Variants in IL2RA observed in about 807,000 individuals in gnomAD.
IL2RA encodes interleukin-2 receptor subunit alpha.
In IL2RA, 24 loss-of-function variants were observed where a neutral mutation model predicts 37.8. That is an observed-to-expected ratio of 0.63 (90% CI 0.46 to 0.89). The LOEUF (loss-of-function observed/expected upper bound fraction) is 0.89. Ranked by LOEUF, IL2RA falls within the 40% of genes least tolerant of loss-of-function variation. The pLI is 0.00. For missense variants in IL2RA, 319 were observed against 348.6 expected (o/e 0.92, Z 0.68); for synonymous variants, 125 against 114.6 (o/e 1.09, Z -0.58).
rs1365312920 is a variant in IL2RA, at chr10:6,035,493, T to G, written c.65-9468A>C. Among the ~76,000 whole-genome samples the G allele has an allele frequency of 6.6e-6, 1 of 152,146 alleles. No individual in the cohort carries two copies. Among genetic ancestry groups the G allele is most frequent in the Non-Finnish European group, 1.5e-5 (1 of 68,018 alleles). ...ATCTGTCTCTCCCTTTGTTCCTGAG[T>G]GGTGGGCCGCACATGAGGCTCTGAG... On this transcript the variant is annotated intron_variant, in intron 1 of 7. Coordinates refer to ENST00000379959, the MANE Select transcript of IL2RA (RefSeq NM_000417.3). This position sits in a 1 kb window ranked among gnomAD's most constrained non-coding sequence, Gnocchi z 5.4.
intron 1 of IL2RA, among the ~76,000 whole-genome samples, chr10:6,050,204 C>T (rs1269998609): frequency 6.6e-6 from 1 of 152,168 alleles, no homozygotes; most frequent in East Asian, 1.9e-4. Flanking sequence ...GCCTAGGCAG[C>T]CCAGGAGATG....
rs1839549174 is a variant in IL2RA at position 6,029,868 on chromosome 10, C to T, written c.65-3843G>A. Reference sequence around the variant, plus strand: ...TACGGGCACATGCCATCATACATGGCTAATTTTTGTATTTTTAGTAGAGAT... The same window carrying T: ...TACGGGCACATGCCATCATACATGGTTAATTTTTGTATTTTTAGTAGAGAT... On this transcript the variant is annotated intron_variant, in intron 1 of 7. Transcript: ENST00000379959. The surrounding 1 kb of genome is among the most constrained non-coding windows in gnomAD (Gnocchi z 4.6). 6.6e-6 allele frequency among the ~76,000 whole-genome samples: 1 copy of T among 152,084 alleles called. No individual in the cohort carries two copies. Among genetic ancestry groups the T allele is most frequent in the Non-Finnish European group, 1.5e-5 (1 of 68,014 alleles).
chr10:6,023,336 G>C lies in IL2RA; in HGVS notation c.367+908C>G, dbSNP rs144653230. On this transcript the variant is annotated intron_variant, in intron 3 of 7. Transcript: ENST00000379959. Reference sequence around the variant, plus strand: ...GTTCTGTGGGTTTTTTTTCTTTTTTGTTTTGTTTTTTTGAGGGGGGACAGA... The same window carrying C: ...GTTCTGTGGGTTTTTTTTCTTTTTTCTTTTGTTTTTTTGAGGGGGGACAGA... 7.2e-4 allele frequency among the ~76,000 whole-genome samples: 109 copies of C among 151,892 alleles called. 1 individual carries two copies. In the East Asian group the frequency reaches 0.021, roughly 29 times the overall value.
rs762059830 is a variant in IL2RA at position 6,012,887 on chromosome 10, A to G, written c.804T>C (p.Ser268=). 2 of 1,613,802 alleles carry G rather than the reference A, an allele frequency of 1.2e-6. No homozygotes were observed. Among genetic ancestry groups the G allele is most frequent in the South Asian group, 2.2e-5 (2 of 91,062 alleles). The stretch of plus-strand genomic sequence containing the variant: ...TTTTGGTTTTCTAGATTGTTCTTCT[A>G]CTCTTCCTCCTGTAGTGGTGTAACA... ...GLTWQRRQRK[S]RRTI Residue 268 remains serine, a synonymous_variant, in exon 8 of 8, where the codon AGT becomes AGC. Coordinates refer to ENST00000379959, the MANE Select transcript of IL2RA (RefSeq NM_000417.3). This position sits in a 1 kb window ranked among gnomAD's most constrained non-coding sequence, Gnocchi z 4.8.
intron 1 of IL2RA, among the ~76,000 whole-genome samples, chr10:6,050,799 G>C (rs1315600014): frequency 6.6e-6 from 1 of 152,238 alleles, no homozygotes; most frequent in Non-Finnish European, 1.5e-5. Context: ...GGACGAGGAG[G>C]AGGAGGATGG....
At position 6,049,619 on chromosome 10, in the gene IL2RA, C is replaced by T. The variant is rs190286590; in HGVS notation, c.64+12469G>A. Among the ~76,000 whole-genome samples, 365 of 152,348 alleles carry T rather than the reference C, an allele frequency of 2.4e-3. 2 individuals are homozygous for T. The highest frequency in any genetic ancestry group is 7.9e-3 in the South Asian group (38 of 4,828). ...CTTTCTCTGGGAAGCCTCCGGGACTCTTCTGTCTGTGCTTTGTGGCATTTC... is the reference window on the plus strand; with the variant it reads ...CTTTCTCTGGGAAGCCTCCGGGACTTTTCTGTCTGTGCTTTGTGGCATTTC... On this transcript the variant is annotated intron_variant, in intron 1 of 7. Coordinates refer to ENST00000379959, the MANE Select transcript of IL2RA (RefSeq NM_000417.3).
intron 1 of IL2RA, among the ~76,000 whole-genome samples, chr10:6,038,244 T>C (rs1262350397): frequency 6.6e-6 from 1 of 152,224 alleles, no homozygotes; most frequent in Non-Finnish European, 1.5e-5. Flanking sequence ...TTTTCACCTA[T>C]CTGTTGAAGG....
chr10:6,049,975 CAGG>C (rs1229914495), intron 1 of IL2RA, among the ~76,000 whole-genome samples: 1 of 152,074 alleles, frequency 6.6e-6, no homozygotes, highest in African/African-American at 2.4e-5. Context: ...CTTTGAAGGA[CAGG>C]AGGAGACCTG....
chr10:6,060,930 A>AG (rs1840113066), intron 1 of IL2RA, among the ~76,000 whole-genome samples: 1 of 152,192 alleles, frequency 6.6e-6, no homozygotes, highest in Non-Finnish European at 1.5e-5. Context: ...AATTCTTTCT[A>AG]CAGCCAGTTA....
chr10:6,024,202 T>G (rs771222644), intron 3 of IL2RA, 42 bp downstream of exon 3: 1 of 1,275,932 alleles, frequency 7.8e-7, no homozygotes, highest in South Asian at 1.2e-5. Context: ...AGGAGAAGGG[T>G]GCGCTAGCAG....
chr10:6,056,032 C>T lies in IL2RA; in HGVS notation c.64+6056G>A, dbSNP rs1015336266. Reference sequence around the variant, plus strand: ...TTTTGACAGAAGCAAACCACGGAGTCGCCTTGAGATCAGTCAAAACACTGA... The same window carrying T: ...TTTTGACAGAAGCAAACCACGGAGTTGCCTTGAGATCAGTCAAAACACTGA... On this transcript the variant is annotated intron_variant, in intron 1 of 7. Transcript: ENST00000379959. The surrounding 1 kb of genome is among the most constrained non-coding windows in gnomAD (Gnocchi z 5.0). Among the ~76,000 whole-genome samples the T allele has an allele frequency of 2.0e-5, 3 of 152,194 alleles. No individual in the cohort carries two copies. The highest frequency in any genetic ancestry group is 4.4e-5 in the Non-Finnish European group (3 of 68,044).
chr10:6,049,808 G>C (rs1839919526), intron 1 of IL2RA, among the ~76,000 whole-genome samples: 1 of 152,230 alleles, frequency 6.6e-6, no homozygotes. Flanking sequence ...AATTCAAGCT[G>C]TCAACTTTCC....
In IL2RA at chr10:6,062,073, C is replaced by T; in HGVS notation, c.64+15G>A. 9 of 1,611,604 alleles carry T rather than the reference C, an allele frequency of 5.6e-6. No individual in the cohort carries two copies. Among genetic ancestry groups the T allele is most frequent in the Non-Finnish European group, 7.6e-6 (9 of 1,177,716 alleles). Reference sequence around the variant, plus strand: ...CAGCCTTCCCGGAATTCCGGGGGCACCCACAGGCCCTTACCTGCCTGGCAG... The same window carrying T: ...CAGCCTTCCCGGAATTCCGGGGGCATCCACAGGCCCTTACCTGCCTGGCAG... On this transcript the variant is annotated intron_variant, in intron 1 of 7. Transcript: ENST00000379959.
At chr10:6,039,442 T>C (rs924686165) in intron 1 of IL2RA, 1 of 152,236 alleles carries the variant, frequency 6.6e-6, no homozygotes, top group Non-Finnish European at 1.5e-5. Context: ...TCCTTTATGA[T>C]GGATAGGACA....
intron 1 of IL2RA, among the ~76,000 whole-genome samples, chr10:6,059,156 G>T (rs563225893): frequency 5.9e-5 from 9 of 152,318 alleles, no homozygotes; most frequent in Admixed American, 5.9e-4. Flanking sequence ...CCCTGTCATT[G>T]TCTTTGGCCA....
chr10:6,045,302 T>C (rs1384913941), intron 1 of IL2RA, among the ~76,000 whole-genome samples: 1 of 152,204 alleles, frequency 6.6e-6, no homozygotes, highest in Non-Finnish European at 1.5e-5. Context: ...ACTCAACACT[T>C]GTTAAACAAC....
chr10:6,061,702 T>A (rs2132911364), intron 1 of IL2RA, among the ~76,000 whole-genome samples: 1 of 152,350 alleles, frequency 6.6e-6, no homozygotes, highest in East Asian at 1.9e-4. Context: ...AAGAGCTTCC[T>A]GATAGCTTCT....
At chr10:6,039,924 T>A (rs1017471856) in intron 1 of IL2RA, among the ~76,000 whole-genome samples, 1 of 152,154 alleles carries the variant, frequency 6.6e-6, no homozygotes, top group Non-Finnish European at 1.5e-5. Flanking sequence ...TGCTCTTAAC[T>A]ATAAGGTGCC....
chr10:6,054,514 T>C lies in IL2RA; in HGVS notation c.64+7574A>G, dbSNP rs917477784. Among the ~76,000 whole-genome samples, 2 of 152,182 alleles carry C rather than the reference T, an allele frequency of 1.3e-5. No homozygotes were observed. The highest frequency in any genetic ancestry group is 2.9e-5 in the Non-Finnish European group (2 of 68,032). On this transcript the variant is annotated intron_variant, in intron 1 of 7. Transcript: ENST00000379959. The surrounding 1 kb of genome is among the most constrained non-coding windows in gnomAD (Gnocchi z 4.5). ...AAGTATTCGTTTTTGTCCGAGAATCTGAGACTCATTTGCTTGGCACACACA... is the reference window on the plus strand; with the variant it reads ...AAGTATTCGTTTTTGTCCGAGAATCCGAGACTCATTTGCTTGGCACACACA...
Sources: allele counts gnomAD v4.1 joint callset (sites outside exome capture counted in the v4.1 genomes callset), GRCh38; gene constraint gnomAD v4.1.1; non-coding constraint Gnocchi (gnomAD v3.1); transcripts MANE v1.5; gene names NCBI Gene and HGNC (gene_info 2026-07-23, HGNC 2026-07-21).